CASP6: variants seen among roughly 807,000 people sequenced by gnomAD.
The protein encoded by CASP6 is caspase-6.
Under a neutral mutation model 31.8 loss-of-function variants are expected in CASP6, and 20 were observed. The ratio of observed to expected loss-of-function variants is 0.63; its 90% CI spans 0.44 to 0.91. The LOEUF is 0.91. CASP6 is among the 40% of genes least tolerant of loss of function. The pLI, the probability that CASP6 is intolerant of heterozygous loss-of-function variation, is 0.00. For synonymous variants in CASP6, 130 were observed against 127.8 expected (o/e 1.02, Z -0.12); for missense variants, 328 against 361.1 (o/e 0.91, Z 0.74).
chr4:109,673,911 A>T, the CASP6 span: 4 of 777,360 alleles, frequency 5.1e-6, no homozygotes, highest in Non-Finnish European at 9.6e-6. Context: ...TTATTCGAAA[A>T]GCTAAAGAGG....
chr4:109,708,633 C>T, the CASP6 span, among the ~76,000 whole-genome samples: 52 of 152,346 alleles, frequency 3.4e-4, no homozygotes, highest in African/African-American at 1.2e-3. Context: ...AAGAGTGGAA[C>T]TCCAGTTGGC....
chr4:109,698,202 A>G, intron 2 of CASP6, 98 bp downstream of exon 2: 1 of 1,322,720 alleles, frequency 7.6e-7, no homozygotes, highest in Non-Finnish European at 1.0e-6. Context: ...ACTCAGTTTT[A>G]CTTCCTAGCT....
chr4:109,675,472 T>G, the CASP6 span, among the ~76,000 whole-genome samples: 1 of 152,226 alleles, frequency 6.6e-6, no homozygotes, highest in Non-Finnish European at 1.5e-5. Flanking sequence ...CAAGGCCACA[T>G]CATTTGGATG....
intron 4 of CASP6, among the ~76,000 whole-genome samples, chr4:109,695,969 GTTATAA>G (rs1730226592): frequency 6.6e-6 from 1 of 152,114 alleles, no homozygotes; most frequent in Non-Finnish European, 1.5e-5. Flanking sequence ...AATATAGGTT[GTTATAA>G]TTAGAATACC....
chr4:109,673,719 A>C, the CASP6 span: 1 of 488,666 alleles, frequency 2.0e-6, no homozygotes, highest in Admixed American at 3.7e-5. Flanking sequence ...TTGGGGTATG[A>C]AAATTAAGTT....
At chr4:109,693,002 G>A (rs1037925548) in intron 5 of CASP6, among the ~76,000 whole-genome samples, 11 of 152,182 alleles carry the variant, frequency 7.2e-5, no homozygotes, top group African/African-American at 2.7e-4. Context: ...GATCATCGGG[G>A]AGGGTCTCTC....
intron 6 of CASP6, among the ~76,000 whole-genome samples, chr4:109,690,470 C>T (rs1158258738): frequency 6.6e-6 from 1 of 151,490 alleles, no homozygotes; most frequent in East Asian, 1.9e-4. Flanking sequence ...TGCAGTGAGC[C>T]ATGATCATGC....
At chr4:109,682,780 T>C in the CASP6 span, 1 of 1,510,428 alleles carries the variant, frequency 6.6e-7, no homozygotes, top group Non-Finnish European at 9.1e-7. Flanking sequence ...TTGAAAATAA[T>C]ACCTAGTGTT....
the CASP6 span, chr4:109,674,032 C>T: frequency 1.8e-5 from 23 of 1,305,112 alleles, no homozygotes; most frequent in African/African-American, 2.9e-5. Flanking sequence ...GATCCACATG[C>T]GTGTGGTAGC....
upstream of CASP6, chr4:109,703,688 A>G: frequency 2.0e-6 from 1 of 490,866 alleles, no homozygotes. Flanking sequence ...CCCTGGGGAC[A>G]TGCCAGTTGC....
At chr4:109,684,695 A>AT (rs778833104), downstream of CASP6, 34 of 885,326 alleles carry the variant, frequency 3.8e-5, no homozygotes, top group Non-Finnish European at 6.0e-5. Context: ...TTTGCAAAGA[A>AT]TGTCTTATCT....
intron 1 of CASP6, 77 bp from the exon 2 acceptor site, chr4:109,698,419 T>C: frequency 8.0e-7 from 1 of 1,244,684 alleles, no homozygotes; most frequent in Non-Finnish European, 1.1e-6. Flanking sequence ...CCATCCCCCT[T>C]CTGACTCCCA....
At chr4:109,696,518 TA>T in intron 3 of CASP6, 32 bp from the exon 4 acceptor site, 1 of 1,488,656 alleles carries the variant, frequency 6.7e-7, no homozygotes, top group Non-Finnish European at 9.3e-7. Flanking sequence ...TGTTAGCCTA[TA>T]AACTTTTCAA....
chr4:109,680,693 A>T, the CASP6 span, among the ~76,000 whole-genome samples: 1 of 152,198 alleles, frequency 6.6e-6, no homozygotes, highest in African/African-American at 2.4e-5. Flanking sequence ...GCAGTCTTGA[A>T]TTGGGTAGTG....
chr4:109,670,797 G>T, the CASP6 span, among the ~76,000 whole-genome samples: 2 of 151,838 alleles, frequency 1.3e-5, no homozygotes, highest in African/African-American at 4.8e-5. Context: ...TCCTGCTGCC[G>T]TAAGGAGGAG....
At chr4:109,690,573 C>T (rs1730018140) in intron 6 of CASP6, among the ~76,000 whole-genome samples, 1 of 151,926 alleles carries the variant, frequency 6.6e-6, no homozygotes, top group South Asian at 2.1e-4. Context: ...AATGGCACTA[C>T]CACCCTCAGT....
At chr4:109,682,663 A>G in the CASP6 span, 1 of 1,613,304 alleles carries the variant, frequency 6.2e-7, no homozygotes, top group Non-Finnish European at 8.5e-7. Context: ...TTGCATTTAG[A>G]AGAGTCTCAG....
At chr4:109,696,867 G>A (rs1453815984) in intron 3 of CASP6, among the ~76,000 whole-genome samples, 1 of 146,260 alleles carries the variant, frequency 6.8e-6, no homozygotes, top group Admixed American at 7.0e-5. Flanking sequence ...CTCACTGCAA[G>A]CTCCGCCTCC....
chr4:109,688,698 A>G lies in CASP6; in HGVS notation c.*632T>C, dbSNP rs1729918106. The G allele has an allele frequency of 6.6e-6, 1 of 152,220 alleles. No individual in the cohort carries two copies. The highest frequency in any genetic ancestry group is 2.4e-5 in the African/African-American group (1 of 41,452). The allele number at this position is 152,220 out of a possible 1,614,324, so 9.4% of individuals were successfully genotyped here. A position where few individuals can be genotyped will look rare whatever the true frequency, so the allele number is the denominator to read the frequency against. On this transcript the variant is annotated 3_prime_UTR_variant, in exon 7 of 7. Transcript: ENST00000265164. ...CAAAAACCTTTAAAAACATCAAACA[A>G]TAAACTTTTATAAAAAAGTGACAAA...
Sources: allele counts gnomAD v4.1 joint callset (sites outside exome capture counted in the v4.1 genomes callset), GRCh38; gene constraint gnomAD v4.1.1; transcripts MANE v1.5; gene names NCBI Gene and HGNC (gene_info 2026-07-23, HGNC 2026-07-21).